The following FLI1 variants were observed in gnomAD, a reference collection of about 807,000 sequenced individuals.
The protein encoded by FLI1 is Fli-1 proto-oncogene, ETS transcription factor, also known as Friend leukemia integration 1 transcription factor.
Under a neutral mutation model 53.1 loss-of-function variants are expected in FLI1, and 13 were observed. The ratio of observed to expected loss-of-function variants is 0.24; its 90% confidence interval spans 0.16 to 0.39. The LOEUF (loss-of-function observed/expected upper bound fraction) is 0.39. Among genes scored for constraint, FLI1 ranks in the 10% least tolerant of loss-of-function variants. The pLI, the probability that FLI1 is intolerant of heterozygous loss-of-function variation, is 1.00. For synonymous variants in FLI1, 244 were observed against 236.7 expected, an observed-to-expected ratio of 1.03 and a Z score of -0.28; for missense variants, 424 against 600.5, an observed-to-expected ratio of 0.71 and a Z score of 3.07.
intron 5 of FLI1, among the ~76,000 whole-genome samples, chr11:128,798,371 A>G (rs2135900591): frequency 6.6e-6 from 1 of 151,980 alleles, no homozygotes; most frequent in Non-Finnish European, 1.5e-5. Flanking sequence ...GAGAAATGAA[A>G]TAGAAGAAGG....
chr11:128,693,941 CGAGAGAGAGAGAGAGAGAGAGAGA>C (rs57930585), upstream of FLI1: 498 of 176,652 alleles, frequency 2.8e-3, 2 homozygotes, highest in Non-Finnish European at 3.5e-3. Context: ...GAGCTCGAGG[CGAGAGAGAGAGAGAGAGAGAGAGA>C]GAGAGAGAGA....
chr11:128,758,349 G>A (rs1438994229), intron 2 of FLI1, 23 bp downstream of exon 2: 2 of 1,599,848 alleles, frequency 1.3e-6, no homozygotes, highest in East Asian at 2.2e-5. Flanking sequence ...GGCCTGTGCA[G>A]GATTGGGGGA....
intron 1 of FLI1, among the ~76,000 whole-genome samples, chr11:128,720,963 C>T (rs1021208968): frequency 6.6e-6 from 1 of 152,158 alleles, no homozygotes; most frequent in Non-Finnish European, 1.5e-5. Context: ...CCTCTGGCCA[C>T]CCCCGGCCCT....
chr11:128,721,347 C>T (rs918395708), intron 1 of FLI1, among the ~76,000 whole-genome samples: 6 of 152,152 alleles, frequency 3.9e-5, no homozygotes, highest in African/African-American at 1.2e-4. Context: ...CGAAGACAGA[C>T]GAGGTCCCTG....
intron 1 of FLI1, among the ~76,000 whole-genome samples, chr11:128,723,933 A>ATT (rs376612983): frequency 0.18 from 14,955 of 81,018 alleles, 2,723 homozygotes; most frequent in Non-Finnish European, 0.23. Context: ...AATGGAGTTG[A>ATT]TTTTTTTTTT....
chr11:128,771,454 G>A (rs1353347181), intron 3 of FLI1, among the ~76,000 whole-genome samples: 1 of 152,218 alleles, frequency 6.6e-6, no homozygotes, highest in African/African-American at 2.4e-5. Context: ...GGATGCTTGT[G>A]TAAAAGTGCT....
upstream of FLI1, chr11:128,693,749 C>G (rs1391833187): frequency 1.3e-5 from 3 of 233,478 alleles, no homozygotes; most frequent in Non-Finnish European, 2.5e-5. Flanking sequence ...CGTCATTGTT[C>G]CCGGCTAGCT....
chr11:128,748,216 A>G (rs1180813518), intron 1 of FLI1: 5 of 967,614 alleles, frequency 5.2e-6, no homozygotes, highest in Admixed American at 6.2e-5. Flanking sequence ...GTCTGCAAAT[A>G]ATTGCAATTG....
intron 2 of FLI1, among the ~76,000 whole-genome samples, chr11:128,767,738 C>T (rs575305985): frequency 6.6e-6 from 1 of 152,238 alleles, no homozygotes; most frequent in African/African-American, 2.4e-5. Flanking sequence ...AAGGCGGGCA[C>T]CAAGTGCTGG....
rs117959228 is a variant in FLI1, at chr11:128,781,305, A to G, written c.590-653A>G. Among the ~76,000 whole-genome samples, 1,182 of 152,316 alleles carry G rather than the reference A, an allele frequency of 7.8e-3. 12 individuals carry two copies. Among genetic ancestry groups the G allele is most frequent in the African/African-American group, 0.025 (1,035 of 41,566 alleles). ...CTTACCCTCACCTGTGAAAGGACCC[A>G]TATGTACATAAACCCAGAAGATACC... On this transcript the variant is annotated intron_variant, in intron 4 of 8. Transcript: ENST00000527786.
intron 4 of FLI1, among the ~76,000 whole-genome samples, chr11:128,775,360 TAA>T (rs113899386): frequency 6.9e-6 from 1 of 145,818 alleles, no homozygotes. Flanking sequence ...CGTGTTAAAT[TAA>T]AAAAAAAAAA....
At chr11:128,733,871 C>T (rs895919025) in intron 1 of FLI1, among the ~76,000 whole-genome samples, 2 of 152,202 alleles carry the variant, frequency 1.3e-5, no homozygotes, top group East Asian at 1.9e-4. Flanking sequence ...TCTTGTCTTT[C>T]TCTCTCTCAA....
chr11:128,781,836 G>A (rs2135864141), intron 4 of FLI1, 122 bp from the exon 5 acceptor site: 1 of 772,124 alleles, frequency 1.3e-6, no homozygotes, highest in East Asian at 2.5e-5. Flanking sequence ...CTTCCTAGGA[G>A]TCCTCTGTCC....
At chr11:128,772,718 C>A in intron 3 of FLI1, 64 bp from the exon 4 acceptor site, 1 of 1,335,722 alleles carries the variant, frequency 7.5e-7, no homozygotes, top group Non-Finnish European at 1.1e-6. Context: ...AGGGAGGCTG[C>A]CTAGGCTCTC....
rs74837773 is a variant in FLI1, at chr11:128,687,163, C to G, written c.-203+462C>G. Among the ~76,000 whole-genome samples, 1,473 of 152,382 alleles carry G rather than the reference C, an allele frequency of 9.7e-3. 27 individuals carry two copies. Among genetic ancestry groups the G allele is most frequent in the African/African-American group, 0.033 (1,377 of 41,598 alleles). On this transcript the variant is annotated intron_variant, in intron 1 of 6. Transcript: ENST00000344954. ...GGGTATGCGGGCGCCACGCGCTTCT[C>G]CTACAGGTGAGACACGCGCTCAGTC...
chr11:128,730,369 T>C (rs1410159753), intron 1 of FLI1, among the ~76,000 whole-genome samples: 1 of 152,266 alleles, frequency 6.6e-6, no homozygotes, highest in Non-Finnish European at 1.5e-5. Flanking sequence ...GTAGCTGCGC[T>C]GCTCATCCTA....
chr11:128,768,324 G>GA (rs751479681), intron 3 of FLI1, 52 bp downstream of exon 3: 37 of 1,605,076 alleles, frequency 2.3e-5, no homozygotes, highest in Non-Finnish European at 3.2e-5. Flanking sequence ...CACTCTCTGG[G>GA]GGGGCAGGGA....
intron 1 of FLI1, among the ~76,000 whole-genome samples, chr11:128,714,710 CT>C (rs11381734): frequency 2.8e-4 from 34 of 121,648 alleles, no homozygotes; most frequent in Middle Eastern, 4.4e-3. Context: ...CTTGAAGGAC[CT>C]TTTTTTTTTT....
At position 128,759,766 on chromosome 11, in the gene FLI1, C is replaced by A. The variant is rs670809; in HGVS notation, c.230+1440C>A. On this transcript the variant is annotated intron_variant, in intron 2 of 8. Coordinates refer to ENST00000527786, the MANE Select transcript of FLI1 (RefSeq NM_002017.5). Reference sequence around the variant, plus strand: ...AATGGGTAGAACATCCAGATAAAAACGTCTACTAGGCTTTGGGAACTGAAG... The same window carrying A: ...AATGGGTAGAACATCCAGATAAAAAAGTCTACTAGGCTTTGGGAACTGAAG... Among the ~76,000 whole-genome samples the A allele has an allele frequency of 5.1e-4, 78 of 152,228 alleles. 2 individuals carry two copies. The South Asian group carries it at 0.015, about 29-fold the overall frequency.
Sources: allele counts gnomAD v4.1 joint callset (sites outside exome capture counted in the v4.1 genomes callset), GRCh38; gene constraint gnomAD v4.1.1; transcripts MANE v1.5; gene names NCBI Gene and HGNC (gene_info 2026-07-23, HGNC 2026-07-21).